Variants in LY9 observed in about 807,000 individuals in gnomAD.
The protein encoded by LY9 is T-lymphocyte surface antigen Ly-9.
In LY9, 59 loss-of-function variants were observed where a neutral mutation model predicts 64.6. The ratio of observed to expected loss-of-function variants is 0.91; its 90% CI spans 0.74 to 1.13. LY9 has a LOEUF of 1.13. Among genes scored for constraint, LY9 ranks in the 50% most tolerant of loss-of-function variants. The pLI, the probability that LY9 is intolerant of heterozygous loss-of-function variation, is 0.00. For missense variants in LY9, 789 were observed against 797.2 expected, an observed-to-expected ratio of 0.99 and a Z score of 0.12; for synonymous variants, 281 against 308.5, an observed-to-expected ratio of 0.91 and a Z score of 0.93.
chr1:160,820,671 G>A (rs564685018), intron 7 of LY9, among the ~76,000 whole-genome samples: 1 of 152,038 alleles, frequency 6.6e-6, no homozygotes, highest in Admixed American at 6.6e-5. Context: ...TCCTTGGGCA[G>A]AGGGTAAAGA....
chr1:160,802,289 C>A, intron 2 of LY9: 2 of 1,003,640 alleles, frequency 2.0e-6, no homozygotes, highest in Non-Finnish European at 2.4e-6. Flanking sequence ...GGGCAGCATG[C>A]GGGTCCCGCA....
rs778324814 is a variant in LY9 at position 160,823,721 on chromosome 1, C to T, written c.1755C>T (p.Pro585=). The T allele has an allele frequency of 4.3e-6, 7 of 1,614,008 alleles. No individual in the cohort carries two copies. The Admixed American group carries it at 6.7e-5, about 15-fold the overall frequency. The change falls in exon 8 of 10, where the codon CCC becomes CCT. Residue 585 remains proline (P), a synonymous_variant. Coordinates refer to ENST00000263285, the MANE Select transcript of LY9 (RefSeq NM_002348.4). ...CTGAGGGCCAAGCAGACTATGATCC[C>T]GTCACTCCATATGTCACGGAAGTTG... The part of the protein sequence containing the change: ...PAPEGQADYD[P]VTPYVTEVES...
chr1:160,816,802 C>T lies in LY9; in HGVS notation c.1281C>T (p.Cys427=), dbSNP rs1344208955. The T allele has an allele frequency of 7.4e-6, 12 of 1,614,252 alleles. No homozygotes were observed. The highest frequency in any genetic ancestry group is 9.3e-6 in the Non-Finnish European group (11 of 1,180,028). ...GTGAAAATCACCCCAACCTCACATG[C>T]ACAGCCAGCAACCCTGTCAGCAGGA... ...RSSENHPNLT[C]TASNPVSRSS... Residue 427 remains cysteine (C), a synonymous_variant, in exon 5 of 10, where the codon TGC becomes TGT. Transcript: ENST00000263285.
At chr1:160,819,190 C>T (rs530240867) in intron 6 of LY9, 131 bp from the exon 7 acceptor site, 119 of 736,678 alleles carry the variant, frequency 1.6e-4, no homozygotes, top group Non-Finnish European at 2.7e-4. Context: ...CAGGGTTCAT[C>T]CTCCTTCCTG....
intron 9 of LY9, among the ~76,000 whole-genome samples, chr1:160,826,051 C>T (rs1255416126): frequency 1.3e-5 from 2 of 152,132 alleles, no homozygotes; most frequent in Non-Finnish European, 2.9e-5. Context: ...TACTGTTGAC[C>T]AGAAGCCTTA....
At chr1:160,825,313 G>C (rs1668793781) in intron 9 of LY9, among the ~76,000 whole-genome samples, 1 of 151,940 alleles carries the variant, frequency 6.6e-6, no homozygotes, top group African/African-American at 2.4e-5. Context: ...ACAATACCTT[G>C]ATACACATTC....
chr1:160,797,069 T>C, intron 1 of LY9: 2 of 981,020 alleles, frequency 2.0e-6, no homozygotes, highest in Non-Finnish European at 2.4e-6. Flanking sequence ...GGCGTTTATC[T>C]GGATATCCTT....
At chr1:160,817,669 C>T (rs1253974705) in intron 5 of LY9, among the ~76,000 whole-genome samples, 1 of 152,154 alleles carries the variant, frequency 6.6e-6, no homozygotes, top group African/African-American at 2.4e-5. Flanking sequence ...TCGTTTTTCC[C>T]CTTTATATGG....
intron 9 of LY9, among the ~76,000 whole-genome samples, chr1:160,826,537 C>T (rs61801958): frequency 0.043 from 6,618 of 152,268 alleles, 202 homozygotes; most frequent in Middle Eastern, 0.12. Flanking sequence ...AAAATTGCAA[C>T]CTCCTGCGTA....
chr1:160,802,470 C>T lies in LY9; in HGVS notation c.454+2388C>T. The T allele has an allele frequency of 6.1e-6, 6 of 985,706 alleles. No homozygotes were observed. The South Asian group carries it at 2.3e-4, about 39-fold the overall frequency. The allele number at this position is 985,706 out of a possible 1,614,324, so 61.1% of individuals were successfully genotyped here. On this transcript the variant is annotated intron_variant, in intron 2 of 9. Transcript: ENST00000263285. ...GCAGGCCCACAGTGCGGGGCTGCACCCATGATGCGGAGCTGGCCTCCAACC... is the reference window on the plus strand; with the variant it reads ...GCAGGCCCACAGTGCGGGGCTGCACTCATGATGCGGAGCTGGCCTCCAACC...
intron 2 of LY9, among the ~76,000 whole-genome samples, chr1:160,807,342 G>A (rs532091795): frequency 1.3e-5 from 2 of 152,262 alleles, no homozygotes; most frequent in South Asian, 4.2e-4. Flanking sequence ...TAACATTAGT[G>A]GTATCTGTGA....
chr1:160,820,224 C>T (rs768223593), intron 7 of LY9, among the ~76,000 whole-genome samples: 7 of 152,074 alleles, frequency 4.6e-5, no homozygotes, highest in Non-Finnish European at 1.0e-4. Flanking sequence ...GGAGACTGTA[C>T]AACCTATTAC....
At chr1:160,820,047 C>T (rs1668291114) in intron 7 of LY9, among the ~76,000 whole-genome samples, 1 of 152,060 alleles carries the variant, frequency 6.6e-6, no homozygotes, top group Non-Finnish European at 1.5e-5. Context: ...CAGTCTGTCC[C>T]CCAGGGTCTC....
At chr1:160,818,657 C>G (rs370624755) in intron 6 of LY9, among the ~76,000 whole-genome samples, 191 of 152,200 alleles carry the variant, frequency 1.3e-3, no homozygotes, top group African/African-American at 4.1e-3. Context: ...GAGCTCTCCA[C>G]CTTTCATCTC....
At chr1:160,801,929 C>T in intron 2 of LY9, 1 of 1,612,330 alleles carries the variant, frequency 6.2e-7, no homozygotes, top group Non-Finnish European at 8.5e-7. Flanking sequence ...CCCTCGCCCC[C>T]ACCTGCCACT....
chr1:160,806,749 A>G (rs538401382), intron 2 of LY9, among the ~76,000 whole-genome samples: 1 of 152,258 alleles, frequency 6.6e-6, no homozygotes, highest in African/African-American at 2.4e-5. Context: ...AGCCTCCTGT[A>G]TCTGGATGTC....
At chr1:160,824,370 C>A in intron 9 of LY9, 121 bp downstream of exon 9, 2 of 1,506,070 alleles carry the variant, frequency 1.3e-6, no homozygotes, top group Non-Finnish European at 1.8e-6. Context: ...ACCCACTATG[C>A]ACCCCTCAGA....
intron 2 of LY9, among the ~76,000 whole-genome samples, chr1:160,809,034 A>G (rs1667233612): frequency 6.6e-6 from 1 of 152,164 alleles, no homozygotes; most frequent in Admixed American, 6.5e-5. Context: ...TTCTGCTTAT[A>G]GAAATATTGT....
chr1:160,818,236 A>G lies in LY9; in HGVS notation c.1361A>G (p.Lys454Arg), dbSNP rs756322207. The change falls in exon 6 of 10, where the codon AAG (lysine) becomes AGG (arginine). Residue 454 changes from lysine (K) to arginine (R), a missense_variant. Physicochemically the swap from Lys to Arg is conservative, Grantham distance 26. Transcript: ENST00000263285. ...CTCAAAGGACCTGAGAGAAACACAAAGCTTTGGATTGGGTTGTTCCTGATG... is the reference window on the plus strand; with the variant it reads ...CTCAAAGGACCTGAGAGAAACACAAGGCTTTGGATTGGGTTGTTCCTGATG... ...NICSGPERNT[K>R]LWIGLFLMVC... 6.2e-7 allele frequency: 1 copy of G among 1,613,386 alleles called. No individual in the cohort carries two copies. The highest frequency in any genetic ancestry group is 1.7e-5 in the Admixed American group (1 of 59,978).
Sources: allele counts gnomAD v4.1 joint callset (sites outside exome capture counted in the v4.1 genomes callset), GRCh38; gene constraint gnomAD v4.1.1; transcripts MANE v1.5; gene names NCBI Gene and HGNC (gene_info 2026-07-23, HGNC 2026-07-21).